GRID2: variants seen among roughly 807,000 people sequenced by gnomAD.
GRID2 encodes glutamate receptor ionotropic, delta-2.
GRID2 carries 33 observed loss-of-function variants against 114.8 expected under a neutral mutation model. That is an observed-to-expected ratio of 0.29 (90% CI 0.22 to 0.38). The LOEUF (loss-of-function observed/expected upper bound fraction) is 0.38, where lower values mean the gene tolerates loss of function less well. Ranked by LOEUF, GRID2 falls within the 10% of genes least tolerant of loss-of-function variation. The pLI, the probability that GRID2 is intolerant of heterozygous loss-of-function variation, is 1.00. For synonymous variants in GRID2, 505 were observed against 449.9 expected (o/e 1.12, Z -1.55); for missense variants, 1,184 against 1,257.7 (o/e 0.94, Z 0.89).
At chr4:92,654,268 C>T (rs943416380) in intron 2 of GRID2, among the ~76,000 whole-genome samples, 4 of 152,016 alleles carry the variant, frequency 2.6e-5, no homozygotes, top group Non-Finnish European at 5.9e-5. Flanking sequence ...GCTCTGATGT[C>T]TCTTCCTCCC....
At chr4:93,137,555 G>A (rs889583131) in intron 4 of GRID2, among the ~76,000 whole-genome samples, 11 of 152,150 alleles carry the variant, frequency 7.2e-5, no homozygotes, top group Non-Finnish European at 1.0e-4. Flanking sequence ...ACAGAAAGAG[G>A]ATTTCAAGAT....
chr4:93,545,989 C>T (rs1733175577), intron 13 of GRID2, among the ~76,000 whole-genome samples: 1 of 151,880 alleles, frequency 6.6e-6, no homozygotes, highest in African/African-American at 2.4e-5. Flanking sequence ...ACAGACTATA[C>T]CTAAAGAGAT....
chr4:92,791,806 T>C (rs968837178), intron 2 of GRID2, among the ~76,000 whole-genome samples: 1 of 151,812 alleles, frequency 6.6e-6, no homozygotes, highest in Admixed American at 6.6e-5. Flanking sequence ...GTTAGTTCCA[T>C]GATTTTACCC....
At chr4:93,592,605 G>T (rs1215420516) in intron 13 of GRID2, among the ~76,000 whole-genome samples, 3 of 152,034 alleles carry the variant, frequency 2.0e-5, no homozygotes, top group African/African-American at 7.3e-5. Context: ...CAATTCCTCG[G>T]TATCCTTGTT....
intron 8 of GRID2, among the ~76,000 whole-genome samples, chr4:93,286,379 C>T (rs952135664): frequency 6.6e-6 from 1 of 152,086 alleles, no homozygotes; most frequent in Non-Finnish European, 1.5e-5. Context: ...TTATTTGTCC[C>T]ATGTCCAAGC....
intron 2 of GRID2, among the ~76,000 whole-genome samples, chr4:92,952,714 T>A (rs920780453): frequency 2.0e-5 from 3 of 152,360 alleles, no homozygotes; most frequent in Non-Finnish European, 4.4e-5. Flanking sequence ...CTTTCTCACC[T>A]GCACATTTGG....
chr4:92,868,066 T>TTCTGTCTG (rs1194588659), intron 2 of GRID2, among the ~76,000 whole-genome samples: 63 of 123,314 alleles, frequency 5.1e-4, no homozygotes, highest in Admixed American at 2.7e-3. Context: ...CTTTCTTTCT[T>TTCTGTCTG]TCTGTCTGTC....
chr4:93,666,509 A>G (rs1023121777), intron 14 of GRID2, among the ~76,000 whole-genome samples: 2 of 152,084 alleles, frequency 1.3e-5, no homozygotes, highest in African/African-American at 4.8e-5. Context: ...AATAATTATT[A>G]TAAGCACCTG....
At chr4:93,167,645 T>G (rs1017703146) in intron 4 of GRID2, among the ~76,000 whole-genome samples, 27 of 152,128 alleles carry the variant, frequency 1.8e-4, no homozygotes, top group African/African-American at 6.5e-4. Flanking sequence ...AAGAAAAACT[T>G]AACACATAGT....
chr4:92,616,447 T>C (rs75284171), intron 2 of GRID2, among the ~76,000 whole-genome samples: 2,356 of 151,668 alleles, frequency 0.016, 55 homozygotes, highest in African/African-American at 0.054. Context: ...CTATGATCTG[T>C]CTAGGAATGG....
At chr4:93,560,399 G>A (rs1734809960) in intron 13 of GRID2, among the ~76,000 whole-genome samples, 1 of 152,004 alleles carries the variant, frequency 6.6e-6, no homozygotes, top group Admixed American at 6.6e-5. Context: ...AGAAGGAGAA[G>A]AGAAAGCAGG....
chr4:92,906,473 C>A (rs533747583), intron 2 of GRID2, among the ~76,000 whole-genome samples: 1 of 133,592 alleles, frequency 7.5e-6, no homozygotes, highest in Non-Finnish European at 1.7e-5. Flanking sequence ...GCTTTCATGC[C>A]CCTCAGGCTT....
chr4:92,959,201 G>A (rs933074187), intron 2 of GRID2, among the ~76,000 whole-genome samples: 3 of 149,130 alleles, frequency 2.0e-5, no homozygotes, highest in African/African-American at 7.4e-5. Flanking sequence ...TTCTACTCTG[G>A]TTTTTAGTAC....
At chr4:93,163,376 A>ATG (rs1737900045) in intron 4 of GRID2, among the ~76,000 whole-genome samples, 2 of 51,802 alleles carry the variant, frequency 3.9e-5, no homozygotes, top group African/African-American at 1.4e-4. Flanking sequence ...ATATATATAT[A>ATG]TATATATATA....
At chr4:92,952,091 AG>A (rs1436161751) in intron 2 of GRID2, among the ~76,000 whole-genome samples, 3 of 152,202 alleles carry the variant, frequency 2.0e-5, no homozygotes, top group African/African-American at 7.2e-5. Context: ...GTTTGATCAA[AG>A]GGTAAATGCA....
At chr4:93,484,817 A>T (rs1726225794) in intron 11 of GRID2, among the ~76,000 whole-genome samples, 1 of 151,896 alleles carries the variant, frequency 6.6e-6, no homozygotes, top group Admixed American at 6.6e-5. Context: ...AACTTAAAAT[A>T]TGTAAGGAGG....
chr4:92,962,591 G>C (rs1362339260), intron 2 of GRID2, among the ~76,000 whole-genome samples: 1 of 151,974 alleles, frequency 6.6e-6, no homozygotes, highest in East Asian at 1.9e-4. Context: ...CCCAGGGACA[G>C]ACATTGTGAA....
chr4:93,218,837 A>G (rs906127705), intron 6 of GRID2, among the ~76,000 whole-genome samples: 4 of 152,198 alleles, frequency 2.6e-5, no homozygotes, highest in African/African-American at 9.6e-5. Context: ...AAGGGGAAGC[A>G]AACATGTCCT....
intron 14 of GRID2, among the ~76,000 whole-genome samples, chr4:93,697,867 G>GTATATATATATATATATATATATATATA (rs1336222146): frequency 3.2e-4 from 27 of 83,854 alleles, no homozygotes; most frequent in African/African-American, 9.2e-4. Context: ...TCCACAATGT[G>GTATATATATATATATATATATATATATA]TGTATATATA....
Sources: allele counts gnomAD v4.1 joint callset (sites outside exome capture counted in the v4.1 genomes callset), GRCh38; gene constraint gnomAD v4.1.1; transcripts MANE v1.5; gene names NCBI Gene and HGNC (gene_info 2026-07-23, HGNC 2026-07-21).